ATXN1: variants seen among roughly 807,000 people sequenced by gnomAD.
ATXN1 encodes the protein ataxin 1, also known as ataxin-1.
A neutral mutation model predicts 56.4 loss-of-function variants in ATXN1; 8 were observed. The observed-to-expected ratio is 0.14, with a 90% CI of 0.08 to 0.26. The LOEUF is 0.26. Ranked by LOEUF, ATXN1 falls within the 10% of genes least tolerant of loss-of-function variation. The pLI, the probability that ATXN1 is intolerant of heterozygous loss-of-function variation, is 1.00. For missense variants in ATXN1, 987 were observed against 1,106.5 expected, an observed-to-expected ratio of 0.89 and a Z score of 1.53; for synonymous variants, 514 against 494.6, an observed-to-expected ratio of 1.04 and a Z score of -0.52.
intron 4 of ATXN1, among the ~76,000 whole-genome samples, chr6:16,558,300 C>CA (rs34684208): frequency 1.8e-3 from 175 of 95,146 alleles, no homozygotes; most frequent in Non-Finnish European, 2.7e-3. Context: ...GATCCTGTGT[C>CA]AAAAAAAAAA....
intron 2 of ATXN1, among the ~76,000 whole-genome samples, chr6:16,658,209 C>T (rs147996175): frequency 9.2e-5 from 14 of 151,994 alleles, no homozygotes; most frequent in African/African-American, 3.4e-4. Flanking sequence ...TCAAGTTTAC[C>T]GATTGAAAGA....
intron 6 of ATXN1, among the ~76,000 whole-genome samples, chr6:16,442,911 C>T (rs1759547435): frequency 6.6e-6 from 1 of 152,116 alleles, no homozygotes; most frequent in Non-Finnish European, 1.5e-5. Context: ...ACTCAGGAGG[C>T]TGAGGCACGA....
intron 2 of ATXN1, among the ~76,000 whole-genome samples, chr6:16,679,471 G>C (rs1758768132): frequency 6.6e-6 from 1 of 152,198 alleles, no homozygotes; most frequent in South Asian, 2.1e-4. Flanking sequence ...GGGAGGCAAA[G>C]AGAAGGGAAA....
chr6:16,373,444 G>T lies in ATXN1; in HGVS notation c.-160-44974C>A, dbSNP rs112638703. Among the ~76,000 whole-genome samples the T allele has an allele frequency of 6.9e-3, 1,050 of 152,266 alleles. 21 individuals are homozygous for T. The highest frequency in any genetic ancestry group is 0.014 in the South Asian group (68 of 4,822). On this transcript the variant is annotated intron_variant, in intron 6 of 7. Coordinates refer to ENST00000436367, the MANE Select transcript of ATXN1 (RefSeq NM_001128164.2). Reference sequence around the variant, plus strand: ...AACTTTTGATCTGTCCCACACACGTGTCTTGGTGAAGGTATTCAGGCCACT... The same window carrying T: ...AACTTTTGATCTGTCCCACACACGTTTCTTGGTGAAGGTATTCAGGCCACT...
At chr6:16,600,412 A>G (rs1368307350) in intron 3 of ATXN1, among the ~76,000 whole-genome samples, 1 of 152,210 alleles carries the variant, frequency 6.6e-6, no homozygotes, top group Non-Finnish European at 1.5e-5. Flanking sequence ...TTTCTCCGTG[A>G]TATTAGCTAT....
chr6:16,426,164 A>G (rs891646215), intron 6 of ATXN1, among the ~76,000 whole-genome samples: 1 of 152,168 alleles, frequency 6.6e-6, no homozygotes, highest in East Asian at 1.9e-4. Context: ...TGAGGACAGA[A>G]GGCAATATTG....
intron 2 of ATXN1, among the ~76,000 whole-genome samples, chr6:16,661,100 G>A (rs1416105993): frequency 6.6e-6 from 1 of 151,902 alleles, no homozygotes; most frequent in Non-Finnish European, 1.5e-5. Flanking sequence ...ACCTCCCAAA[G>A]TGCTGGGATT....
chr6:16,677,190 T>C (rs1758703876), intron 2 of ATXN1, among the ~76,000 whole-genome samples: 2 of 152,110 alleles, frequency 1.3e-5, no homozygotes, highest in South Asian at 4.1e-4. Context: ...AAGGGGAATG[T>C]GGGTGAGCGC....
chr6:16,671,667 CATTAG>C (rs1432499449), intron 2 of ATXN1, among the ~76,000 whole-genome samples: 2 of 152,226 alleles, frequency 1.3e-5, no homozygotes, highest in East Asian at 3.9e-4. Flanking sequence ...TCTTACTGAA[CATTAG>C]TAAGCCAAAG....
intron 2 of ATXN1, among the ~76,000 whole-genome samples, chr6:16,717,598 G>A (rs978841522): frequency 3.9e-5 from 6 of 152,216 alleles, no homozygotes; most frequent in Non-Finnish European, 7.3e-5. Context: ...AACACAGAGA[G>A]AGAATGTGCT....
chr6:16,643,783 C>T (rs149883811), intron 3 of ATXN1, among the ~76,000 whole-genome samples: 68 of 151,982 alleles, frequency 4.5e-4, no homozygotes, highest in African/African-American at 1.6e-3. Flanking sequence ...AGAAAGAGTT[C>T]GATCGTTTGT....
chr6:16,594,799 A>C (rs1762786170), intron 3 of ATXN1, among the ~76,000 whole-genome samples: 1 of 152,200 alleles, frequency 6.6e-6, no homozygotes, highest in Non-Finnish European at 1.5e-5. Flanking sequence ...CAAATTCTAA[A>C]TATCCATAAA....
intron 3 of ATXN1, among the ~76,000 whole-genome samples, chr6:16,622,261 T>A (rs79974547): frequency 2.0e-5 from 3 of 152,126 alleles, no homozygotes; most frequent in Non-Finnish European, 2.9e-5. Flanking sequence ...TTTAGAGTAA[T>A]GCAAAGACCC....
At chr6:16,673,945 T>G (rs1196936446) in intron 2 of ATXN1, among the ~76,000 whole-genome samples, 2 of 152,296 alleles carry the variant, frequency 1.3e-5, no homozygotes, top group East Asian at 3.9e-4. Flanking sequence ...GAGGGCAAAA[T>G]GGTCCCCAGT....
intron 2 of ATXN1, among the ~76,000 whole-genome samples, chr6:16,693,861 C>T (rs1219461424): frequency 1.3e-5 from 2 of 152,186 alleles, no homozygotes; most frequent in Non-Finnish European, 2.9e-5. Context: ...CACCAGTCCA[C>T]CCCCAGTCAC....
At chr6:16,729,631 CCATCCAACCCT>C (rs1759923004) in intron 2 of ATXN1, among the ~76,000 whole-genome samples, 1 of 152,224 alleles carries the variant, frequency 6.6e-6, no homozygotes, top group Non-Finnish European at 1.5e-5. Context: ...TGCAATCCAG[CCATCCAACCCT>C]CATGGAGGTC....
chr6:16,405,415 A>G (rs951160400), intron 6 of ATXN1, among the ~76,000 whole-genome samples: 8 of 152,190 alleles, frequency 5.3e-5, no homozygotes, highest in African/African-American at 1.7e-4. Context: ...CATTCCACTC[A>G]GTCTCATTTG....
intron 6 of ATXN1, among the ~76,000 whole-genome samples, chr6:16,370,334 T>TAGTA (rs1762013240): frequency 6.6e-6 from 1 of 152,196 alleles, no homozygotes; most frequent in Non-Finnish European, 1.5e-5. Context: ...TCTTTGCTAA[T>TAGTA]AGTAATCAAA....
chr6:16,557,847 A>G (rs1762042375), intron 4 of ATXN1, among the ~76,000 whole-genome samples: 1 of 152,238 alleles, frequency 6.6e-6, no homozygotes, highest in Non-Finnish European at 1.5e-5. Context: ...ATTTGAACGT[A>G]AAAAATGAAA....
Sources: gnomAD v4.1 joint callset for allele counts (sites outside exome capture counted in the v4.1 genomes callset) on GRCh38, gnomAD v4.1.1 for gene constraint, MANE v1.5 for transcripts, NCBI Gene and HGNC (gene_info 2026-07-23, HGNC 2026-07-21) for gene names.